TTC31: variants seen among roughly 807,000 people sequenced by gnomAD.
TTC31 encodes tetratricopeptide repeat protein 31.
In TTC31, 59 loss-of-function variants were observed where a neutral mutation model predicts 60.4. The ratio of observed to expected loss-of-function variants is 0.98; its 90% CI spans 0.79 to 1.21. TTC31 has a LOEUF of 1.21. Ranked by LOEUF, TTC31 falls within the 50% of genes most tolerant of loss-of-function variation. The probability of loss-of-function intolerance (pLI) is 0.00; values close to 1 mark genes in which losing one functional copy is unlikely to be tolerated. For synonymous variants in TTC31, 225 were observed against 249.6 expected, an observed-to-expected ratio of 0.90 and a Z score of 0.93; for missense variants, 672 against 646.9, an observed-to-expected ratio of 1.04 and a Z score of -0.42.
At position 74,491,564 on chromosome 2, in the gene TTC31, G is replaced by A; in HGVS notation, c.768G>A (p.Lys256=). 1 of 1,614,192 alleles carries A rather than the reference G, an allele frequency of 6.2e-7. No individual in the cohort carries two copies. The highest frequency in any genetic ancestry group is 8.5e-7 in the Non-Finnish European group (1 of 1,180,036). Residue 256 remains lysine, a synonymous_variant, in exon 8 of 13, where the codon AAG becomes AAA. Transcript: ENST00000233623. Reference sequence around the variant, plus strand: ...GGCCCCTCAGTGCCCGCAGAGAGAAGGGACTGAACCAGGAGCCCCAAGGCA... The same window carrying A: ...GGCCCCTCAGTGCCCGCAGAGAGAAAGGACTGAACCAGGAGCCCCAAGGCA... ...GDWPLSARRE[K]GLNQEPQGRG...
chr2:74,488,777 A>G (rs1461242775), intron 2 of TTC31, among the ~76,000 whole-genome samples: 1 of 152,202 alleles, frequency 6.6e-6, no homozygotes, highest in Non-Finnish European at 1.5e-5. Flanking sequence ...CAAACAAAAA[A>G]TAGTCGGCCG....
Position 74,492,293 on chromosome 2 carries a change from G to A in TTC31, c.1020-11G>A. The A allele has an allele frequency of 6.2e-7, 1 of 1,603,176 alleles. No homozygotes were observed. The highest frequency in any genetic ancestry group is 8.5e-7 in the Non-Finnish European group (1 of 1,172,624). On this transcript the variant is annotated splice_polypyrimidine_tract_variant and intron_variant, in intron 10 of 12. Coordinates refer to ENST00000233623, the MANE Select transcript of TTC31 (RefSeq NM_022492.6). ...GGACTCAGACCTTTGGCCACCTTCTGTCTTTATCAGGTTATTTGGAAATCG... is the reference window on the plus strand; with the variant it reads ...GGACTCAGACCTTTGGCCACCTTCTATCTTTATCAGGTTATTTGGAAATCG...
At position 74,493,379 on chromosome 2, in the gene TTC31, A is replaced by G. The variant is rs1380988256; in HGVS notation, c.*161A>G. 3.7e-5 allele frequency: 27 copies of G among 728,474 alleles called. No individual in the cohort carries two copies. Among genetic ancestry groups the G allele is most frequent in the Non-Finnish European group, 5.6e-5 (26 of 463,524 alleles). 45.1% of individuals were successfully genotyped at this position (728,474 alleles called of 1,614,324 possible). A position where few individuals can be genotyped will look rare whatever the true frequency, so the allele number is the denominator to read the frequency against. ...TCTTGCCATGGGGAAGCTTCTGATG[A>G]GAGAAAGGAGCCCCACATCCACTGA... On this transcript the variant is annotated 3_prime_UTR_variant, in exon 13 of 13. Transcript: ENST00000233623.
intron 1 of TTC31, 53 bp downstream of exon 1, chr2:74,483,188 C>T: frequency 1.2e-6 from 2 of 1,613,788 alleles, no homozygotes; most frequent in Non-Finnish European, 1.7e-6. Context: ...GGCAGCCCCT[C>T]TTGGGTCCAC....
At chr2:74,491,820 C>CT (rs1673929371) in intron 8 of TTC31, 148 bp downstream of exon 8, 3 of 1,371,952 alleles carry the variant, frequency 2.2e-6, no homozygotes, top group Non-Finnish European at 1.0e-6. Context: ...GGCCCCATCA[C>CT]TGTCACCATG....
chr2:74,493,336 T>C lies in TTC31; in HGVS notation c.*118T>C, dbSNP rs1044316874. The C allele has an allele frequency of 1.9e-5, 21 of 1,080,358 alleles. No individual in the cohort carries two copies. The highest frequency in any genetic ancestry group is 2.6e-5 in the Admixed American group (1 of 38,742). The allele number at this position is 1,080,358 out of a possible 1,614,324, so 66.9% of individuals were successfully genotyped here. ...TATTCTCTAGATCCATAGTTAATGA[T>C]GCCCTGGCAGTCATTCCTCTTGCCA... On this transcript the variant is annotated 3_prime_UTR_variant, in exon 13 of 13. Coordinates refer to ENST00000233623, the MANE Select transcript of TTC31 (RefSeq NM_022492.6).
chr2:74,491,749 A>G (rs1339631694), intron 8 of TTC31, 77 bp downstream of exon 8: 1 of 1,537,420 alleles, frequency 6.5e-7, no homozygotes, highest in Non-Finnish European at 8.9e-7. Context: ...CACAGGGTCT[A>G]AGGATTGACA....
At chr2:74,485,704 T>C (rs1294233658) in intron 2 of TTC31, among the ~76,000 whole-genome samples, 2 of 151,810 alleles carry the variant, frequency 1.3e-5, no homozygotes, top group Admixed American at 1.3e-4. Flanking sequence ...TCTCCTGACC[T>C]TGTGATCCGC....
intron 8 of TTC31, 118 bp downstream of exon 8, chr2:74,491,790 G>A (rs1446161756): frequency 2.1e-6 from 3 of 1,434,016 alleles, no homozygotes; most frequent in Non-Finnish European, 2.9e-6. Context: ...CTGGCTCTAG[G>A]GTCAAGAGAC....
chr2:74,493,242 C>T lies in TTC31; in HGVS notation c.*24C>T. 1 of 1,611,744 alleles carries T rather than the reference C, an allele frequency of 6.2e-7. No individual in the cohort carries two copies. The highest frequency in any genetic ancestry group is 8.5e-7 in the Non-Finnish European group (1 of 1,178,468). On this transcript the variant is annotated 3_prime_UTR_variant, in exon 13 of 13. Coordinates refer to ENST00000233623, the MANE Select transcript of TTC31 (RefSeq NM_022492.6). ...GAGGGGGCACCGGTCCCTCATAGGG[C>T]AGGGCCATGTATATATCCCTTGGTG...
chr2:74,483,158 TG>T, intron 1 of TTC31, 23 bp downstream of exon 1: 1 of 1,614,048 alleles, frequency 6.2e-7, no homozygotes, highest in African/African-American at 1.3e-5. Flanking sequence ...ACAAGACCAG[TG>T]GGGGTCTAGG....
chr2:74,486,095 G>A (rs918904118), intron 2 of TTC31, among the ~76,000 whole-genome samples: 24 of 151,980 alleles, frequency 1.6e-4, no homozygotes, highest in East Asian at 7.8e-4. Context: ...GTGAAACACC[G>A]TCTCTACTAA....
rs1674134566 is a variant in TTC31 at position 74,493,114 on chromosome 2, T to C, written c.1456T>C (p.Ser486Pro). The C allele has an allele frequency of 6.2e-7, 1 of 1,613,966 alleles. No individual in the cohort carries two copies. The highest frequency in any genetic ancestry group is 2.2e-5 in the East Asian group (1 of 44,882). Residue 486 changes from serine (S) to proline (P), a missense_variant, in exon 13 of 13, where the codon TCC (serine) becomes CCC (proline). Physicochemically the swap from Ser to Pro is moderately conservative, Grantham distance 74. Coordinates refer to ENST00000233623, the MANE Select transcript of TTC31 (RefSeq NM_022492.6). ...CCGAAGCCACCCCAACCAGCCCCTC[T>C]CCCAGACTCAGAGTAGAAGGCCCCA... ...CHRSHPNQPL[S>P]QTQSRRPHPL...
intron 2 of TTC31, 93 bp downstream of exon 2, chr2:74,483,503 A>G: frequency 1.3e-6 from 2 of 1,592,584 alleles, no homozygotes; most frequent in South Asian, 1.1e-5. Flanking sequence ...GATGGGCGCC[A>G]GACGGGGCTC....
chr2:74,483,662 G>A, intron 2 of TTC31: 1 of 1,317,472 alleles, frequency 7.6e-7, no homozygotes, highest in Non-Finnish European at 9.8e-7. Context: ...TGAGGATTAG[G>A]GAGTGGGTAC....
rs1420189352 is a variant in TTC31 at position 74,492,664 on chromosome 2, G to C, written c.1180G>C (p.Ala394Pro). 1 of 1,614,090 alleles carries C rather than the reference G, an allele frequency of 6.2e-7. No individual in the cohort carries two copies. Among genetic ancestry groups the C allele is most frequent in the East Asian group, 2.2e-5 (1 of 44,890 alleles). The change falls in exon 12 of 13, where the codon GCT becomes CCT. Residue 394 changes from alanine to proline, a missense_variant. Ala to Pro is a conservative substitution (Grantham distance 27, BLOSUM62 -1). Coordinates refer to ENST00000233623, the MANE Select transcript of TTC31 (RefSeq NM_022492.6). ...ACCAAAGCGCTTCAGAGAGGCAGCT[G>C]CTGTGTTTCAGGAAACTCTGAGAGG... is the stretch of plus-strand genomic sequence containing the variant. ...MGLQRFREAAAVFQETLRGGS... is the reference protein window; with the variant it reads ...MGLQRFREAAPVFQETLRGGS...
At chr2:74,487,992 C>T (rs1019955763) in intron 2 of TTC31, among the ~76,000 whole-genome samples, 1 of 151,848 alleles carries the variant, frequency 6.6e-6, no homozygotes, top group Non-Finnish European at 1.5e-5. Flanking sequence ...ATTTATTTAT[C>T]GAGACAGGGT....
chr2:74,492,804 G>C lies in TTC31; in HGVS notation c.1263+57G>C, dbSNP rs956185333. 18 of 1,601,398 alleles carry C rather than the reference G, an allele frequency of 1.1e-5. No individual in the cohort carries two copies. The African/African-American group carries it at 2.3e-4, about 20-fold the overall frequency. On this transcript the variant is annotated intron_variant, in intron 12 of 12. Transcript: ENST00000233623. ...GCGGGTATCAGGGAGAATTGGCTGG[G>C]ACTGCAATACCAAGCCTCAGGTGGC... is the stretch of plus-strand genomic sequence containing the variant.
intron 5 of TTC31, 127 bp from the exon 6 acceptor site, chr2:74,491,001 C>A: frequency 1.5e-6 from 2 of 1,331,324 alleles, no homozygotes; most frequent in Non-Finnish European, 2.1e-6. Context: ...TGCTTTTTCA[C>A]CTGCAAAATG....
Sources: gnomAD v4.1 joint callset for allele counts (sites outside exome capture counted in the v4.1 genomes callset) on GRCh38, gnomAD v4.1.1 for gene constraint, MANE v1.5 for transcripts, NCBI Gene and HGNC (gene_info 2026-07-23, HGNC 2026-07-21) for gene names.